Variants in TBC1D10A observed in about 807,000 individuals in gnomAD.
TBC1D10A encodes TBC1 domain family member 10A.
A neutral mutation model predicts 52.9 loss-of-function variants in TBC1D10A; 24 were observed. The ratio of observed to expected loss-of-function variants is 0.45; its 90% CI spans 0.33 to 0.64. The LOEUF is 0.64. Ranked by LOEUF, TBC1D10A falls within the 30% of genes least tolerant of loss-of-function variation. The pLI is 0.02. For synonymous variants in TBC1D10A, 278 were observed against 282.9 expected (o/e 0.98, Z 0.17); for missense variants, 602 against 687.9 (o/e 0.88, Z 1.40).
At chr22:30,313,392 T>C (rs895448811) in intron 1 of TBC1D10A, among the ~76,000 whole-genome samples, 1 of 146,958 alleles carries the variant, frequency 6.8e-6, no homozygotes, top group Non-Finnish European at 1.5e-5. Flanking sequence ...TGTGTTGTTA[T>C]TGTTGTTTTG....
At chr22:30,324,019 T>C (rs1365409327) in intron 1 of TBC1D10A, among the ~76,000 whole-genome samples, 2 of 152,246 alleles carry the variant, frequency 1.3e-5, no homozygotes, top group East Asian at 3.9e-4. Context: ...TTTAATCTAC[T>C]CATGCCATGT....
At chr22:30,321,750 T>C (rs28360656) in intron 1 of TBC1D10A, among the ~76,000 whole-genome samples, 30,673 of 151,536 alleles carry the variant, frequency 0.2, 3,356 homozygotes, top group Middle Eastern at 0.35. Context: ...GACAATCACA[T>C]AGGAAAAGGA....
At chr22:30,304,917 G>C in intron 1 of TBC1D10A, among the ~76,000 whole-genome samples, 1 of 152,254 alleles carries the variant, frequency 6.6e-6, no homozygotes, top group Non-Finnish European at 1.5e-5. Flanking sequence ...GGCTGAGTGA[G>C]TGTCTGCATC....
chr22:30,312,509 T>C (rs995016793), intron 1 of TBC1D10A, among the ~76,000 whole-genome samples: 3 of 152,116 alleles, frequency 2.0e-5, no homozygotes, highest in Non-Finnish European at 2.9e-5. Context: ...GGCCACTGGG[T>C]CACAGGGCAA....
At chr22:30,313,196 G>C (rs986703350) in intron 1 of TBC1D10A, among the ~76,000 whole-genome samples, 5 of 152,224 alleles carry the variant, frequency 3.3e-5, no homozygotes, top group African/African-American at 7.2e-5. Flanking sequence ...GAGCAGTCCA[G>C]TGGGACAGGT....
intron 1 of TBC1D10A, chr22:30,318,737 T>A: frequency 2.1e-6 from 1 of 470,534 alleles, no homozygotes; most frequent in Admixed American, 2.3e-5. Context: ...GCTCCAGACC[T>A]CTTCCAGGTC....
intron 8 of TBC1D10A, chr22:30,293,319 CCT>C (rs1929993149): frequency 4.8e-6 from 3 of 619,670 alleles, no homozygotes; most frequent in South Asian, 4.6e-5. Flanking sequence ...CCTAATTGCC[CCT>C]GAGAGACAAG....
intron 1 of TBC1D10A, among the ~76,000 whole-genome samples, chr22:30,313,341 A>ATGTGTGTGTGTGTGTGTG (rs6147586): frequency 5.5e-4 from 76 of 138,104 alleles, no homozygotes; most frequent in African/African-American, 1.9e-3. Context: ...TGCTCAATAA[A>ATGTGTGTGTGTGTGTGTG]TGTGTGTGTG....
rs1345250260 is a variant in TBC1D10A, at chr22:30,324,804, C to T, written c.209+1869G>A. 5.9e-5 allele frequency among the ~76,000 whole-genome samples: 9 copies of T among 152,164 alleles called. No individual in the cohort carries two copies. The East Asian group carries it at 1.7e-3, about 29-fold the overall frequency. The stretch of plus-strand genomic sequence containing the variant: ...TCGCCCTTTACAGTGAGTAAACAGG[C>T]TCAGAGATTCAGGATCTTGCCCAAG... On this transcript the variant is annotated intron_variant, in intron 1 of 8. Transcript: ENST00000215790.
intron 1 of TBC1D10A, among the ~76,000 whole-genome samples, chr22:30,320,898 C>A (rs1037369142): frequency 1.3e-5 from 2 of 152,228 alleles, no homozygotes; most frequent in Non-Finnish European, 2.9e-5. Context: ...ACACAGCCAG[C>A]CAGATTCTGG....
At chr22:30,310,374 G>A (rs1392513701) in intron 1 of TBC1D10A, among the ~76,000 whole-genome samples, 5 of 152,172 alleles carry the variant, frequency 3.3e-5, no homozygotes, top group African/African-American at 1.2e-4. Flanking sequence ...CCCATACACA[G>A]GCCTTTGAGG....
chr22:30,325,611 C>T (rs1021717613), intron 1 of TBC1D10A, among the ~76,000 whole-genome samples: 2 of 152,006 alleles, frequency 1.3e-5, no homozygotes, highest in Non-Finnish European at 2.9e-5. Flanking sequence ...CTAAGGGGAC[C>T]GCCAGCCTGT....
intron 1 of TBC1D10A, among the ~76,000 whole-genome samples, chr22:30,315,914 G>C (rs1930526755): frequency 6.6e-6 from 1 of 152,180 alleles, no homozygotes; most frequent in Non-Finnish European, 1.5e-5. Context: ...GGAAGGGGAG[G>C]AGGAGAGGCC....
chr22:30,322,603 T>C (rs1930680105), intron 1 of TBC1D10A, among the ~76,000 whole-genome samples: 1 of 130,994 alleles, frequency 7.6e-6, no homozygotes, highest in East Asian at 2.2e-4. Flanking sequence ...CTTTTTTTTT[T>C]TTTTTTTTTT....
At chr22:30,318,909 C>T (rs1930593331) in intron 1 of TBC1D10A, 1 of 351,826 alleles carries the variant, frequency 2.8e-6, no homozygotes. Flanking sequence ...ACCGCCCAAC[C>T]CATTTCCTGG....
At chr22:30,295,195 G>A in intron 4 of TBC1D10A, 140 bp from the exon 5 acceptor site, 1 of 792,100 alleles carries the variant, frequency 1.3e-6, no homozygotes, top group South Asian at 1.6e-5. Flanking sequence ...GGTCACCAAG[G>A]GGTCAGTCTC....
In TBC1D10A at chr22:30,295,008, GGCC is replaced by G. The variant is rs1166586516; in HGVS notation, c.569_571del (p.Arg190del). The G allele has an allele frequency of 1.9e-6, 3 of 1,614,062 alleles. No homozygotes were observed. In the South Asian group the frequency reaches 3.3e-5, roughly 18 times the overall value. ...CTGGGCCTGGCAGTAGCCCTCCTCG[GGCC>G]GGTACAGCGTGTAGGCCTTCAGCAC... On this transcript the variant is annotated inframe_deletion, in exon 5 of 9. Coordinates refer to ENST00000215790, the MANE Select transcript of TBC1D10A (RefSeq NM_031937.3).
intron 2 of TBC1D10A, among the ~76,000 whole-genome samples, chr22:30,303,855 G>C (rs1930256865): frequency 6.6e-6 from 1 of 152,226 alleles, no homozygotes; most frequent in African/African-American, 2.4e-5. Context: ...TTCCCACAGG[G>C]CAATAGAGCT....
intron 1 of TBC1D10A, among the ~76,000 whole-genome samples, chr22:30,323,352 C>T (rs550675295): frequency 6.6e-6 from 1 of 152,340 alleles, no homozygotes; most frequent in Non-Finnish European, 1.5e-5. Context: ...TATTCTTATC[C>T]TTCTGGGCCA....
Sources: allele counts gnomAD v4.1 joint callset (sites outside exome capture counted in the v4.1 genomes callset), GRCh38; gene constraint gnomAD v4.1.1; transcripts MANE v1.5; gene names NCBI Gene and HGNC (gene_info 2026-07-23, HGNC 2026-07-21).